STT3A: variants seen among roughly 807,000 people sequenced by gnomAD.
STT3A encodes the protein dolichyl-diphosphooligosaccharide--protein glycosyltransferase subunit STT3A.
A neutral mutation model predicts 89.2 loss-of-function variants in STT3A; 34 were observed. The observed-to-expected ratio is 0.38, with a 90% confidence interval of 0.29 to 0.51. The LOEUF (loss-of-function observed/expected upper bound fraction) is 0.51. STT3A is among the 20% of genes least tolerant of loss of function. The pLI is 0.89. For missense variants in STT3A, 555 were observed against 889.5 expected (o/e 0.62, Z 4.78); for synonymous variants, 282 against 310.3 (o/e 0.91, Z 0.96).
At chr11:125,601,116 G>A (rs567801961) in intron 3 of STT3A, among the ~76,000 whole-genome samples, 1 of 152,284 alleles carries the variant, frequency 6.6e-6, no homozygotes, top group East Asian at 1.9e-4. Flanking sequence ...TTCTATATAG[G>A]TGACATAAGA....
At chr11:125,620,688 C>G in intron 17 of STT3A, 84 bp from the exon 18 acceptor site, 1 of 1,320,022 alleles carries the variant, frequency 7.6e-7, no homozygotes, top group Non-Finnish European at 1.1e-6. Context: ...TAATCCTGCC[C>G]ACTCTGGGTG....
Position 125,608,110 on chromosome 11 carries a change from C to G in STT3A, c.782C>G (p.Pro261Arg). Reference protein sequence around the residue: ...SMQISFVGFQPVLSSEHMAAF... With the variant: ...SMQISFVGFQRVLSSEHMAAF... The stretch of plus-strand genomic sequence containing the variant: ...ACATACATATCCTTTTACCTACAGC[C>G]TGTCCTTTCATCAGAGCACATGGCA... Residue 261 changes from proline (P) to arginine (R), a missense_variant and splice_region_variant, in exon 9 of 18, where the codon CCT becomes CGT. Physicochemically the swap from Pro to Arg is moderately radical, Grantham distance 103. This residue lies in a region of STT3A where 149 missense variants were observed against 206.2 expected (regional missense o/e 0.72). Coordinates refer to ENST00000392708, the MANE Select transcript of STT3A (RefSeq NM_152713.5). The G allele has an allele frequency of 6.2e-7, 1 of 1,603,354 alleles. No homozygotes were observed. Among genetic ancestry groups the G allele is most frequent in the South Asian group, 1.1e-5 (1 of 89,392 alleles).
intron 12 of STT3A, 50 bp downstream of exon 12, chr11:125,612,797 G>A (rs1420915707): frequency 2.5e-6 from 4 of 1,574,430 alleles, no homozygotes; most frequent in Non-Finnish European, 3.5e-6. Context: ...GTGTGTGTGT[G>A]TATGTGTGTA....
chr11:125,602,460 A>C (rs1182115199), intron 4 of STT3A, 36 bp downstream of exon 4: 2 of 1,525,600 alleles, frequency 1.3e-6, no homozygotes, highest in Non-Finnish European at 1.8e-6. Flanking sequence ...TTTTAAAAAA[A>C]AAACAGAAAT....
intron 8 of STT3A, among the ~76,000 whole-genome samples, chr11:125,607,890 GTGATAA>G (rs1239921714): frequency 6.6e-6 from 1 of 152,208 alleles, no homozygotes; most frequent in East Asian, 1.9e-4. Flanking sequence ...AGCCAGAGAT[GTGATAA>G]TGATAGTGTA....
chr11:125,594,202 A>G (rs1939412471), intron 1 of STT3A, among the ~76,000 whole-genome samples: 1 of 152,352 alleles, frequency 6.6e-6, no homozygotes, highest in Middle Eastern at 3.4e-3. Flanking sequence ...TGTGTCAGTC[A>G]AAAAGAATAA....
Position 125,620,860 on chromosome 11 carries a change from G to T in STT3A, c.*50G>T. ...TTCGCACTGAGCACATCACATTTAG[G>T]ACGTTGAAGATTTTTTTTTTTTTTT... On this transcript the variant is annotated 3_prime_UTR_variant, in exon 18 of 18. Transcript: ENST00000392708. 7.0e-7 allele frequency: 1 copy of T among 1,427,012 alleles called. No homozygotes were observed. The highest frequency in any genetic ancestry group is 2.4e-5 in the East Asian group (1 of 42,286). The allele number at this position is 1,427,012 out of a possible 1,614,324, so 88.4% of individuals were successfully genotyped here.
At chr11:125,610,108 G>C (rs1939959179) in intron 10 of STT3A, among the ~76,000 whole-genome samples, 1 of 140,344 alleles carries the variant, frequency 7.1e-6, no homozygotes, top group African/African-American at 2.7e-5. Context: ...TGTTGCCTAG[G>C]CTTCAGGGCA....
intron 15 of STT3A, 150 bp from the exon 16 acceptor site, chr11:125,618,223 C>T (rs893563258): frequency 1.2e-4 from 87 of 701,792 alleles, no homozygotes; most frequent in Non-Finnish European, 1.9e-4. Flanking sequence ...ATGCTTTGCC[C>T]GTATGTTGTC....
intron 6 of STT3A, 76 bp downstream of exon 6, chr11:125,604,323 T>C: frequency 7.0e-7 from 1 of 1,435,514 alleles, no homozygotes; most frequent in Non-Finnish European, 9.7e-7. Context: ...CAGTCTATGG[T>C]TTAGCAATAA....
Position 125,614,293 on chromosome 11 carries a change from T to C in STT3A, c.1672-31T>C, listed in dbSNP as rs756213356. The C allele has an allele frequency of 6.2e-7, 1 of 1,614,036 alleles. No homozygotes were observed. On this transcript the variant is annotated intron_variant, in intron 14 of 17. Coordinates refer to ENST00000392708, the MANE Select transcript of STT3A (RefSeq NM_152713.5). This position sits in a 1 kb window ranked among gnomAD's most constrained non-coding sequence, Gnocchi z 4.9. ...GAGGGGATCATATGACTTGGGATTT[T>C]GCTCTGAGAATTGTACATTTGTTTT...
intron 17 of STT3A, among the ~76,000 whole-genome samples, chr11:125,620,405 GGA>G (rs1400448033): frequency 6.6e-6 from 1 of 152,122 alleles, no homozygotes; most frequent in East Asian, 1.9e-4. Context: ...TCACGGGTGG[GGA>G]GAGTGCAGGA....
At chr11:125,593,994 C>A (rs1939402169) in intron 1 of STT3A, among the ~76,000 whole-genome samples, 1 of 152,052 alleles carries the variant, frequency 6.6e-6, no homozygotes, top group East Asian at 1.9e-4. Context: ...TATAGGATAA[C>A]TATTATTAGG....
At chr11:125,611,545 CTT>C (rs1940015223) in intron 11 of STT3A, 26 bp downstream of exon 11, 1 of 1,598,918 alleles carries the variant, frequency 6.3e-7, no homozygotes, top group South Asian at 1.1e-5. Context: ...GTCTGGTAGA[CTT>C]TTTCACTCTA....
rs1940010048 is a variant in STT3A, at chr11:125,611,362, A to T, written c.1118-66A>T. ...GGAATCATCCAGTCATATAATGAAG[A>T]TACTTTACCTTGTAGGTTTCAACCT... On this transcript the variant is annotated intron_variant, in intron 10 of 17. Transcript: ENST00000392708. 11 of 1,235,824 alleles carry T rather than the reference A, an allele frequency of 8.9e-6. No homozygotes were observed. The South Asian group carries it at 1.2e-4, about 14-fold the overall frequency. 76.6% of individuals were successfully genotyped at this position (1,235,824 alleles called of 1,614,324 possible).
intron 1 of STT3A, chr11:125,593,519 A>C (rs1239151198): frequency 6.6e-6 from 1 of 152,190 alleles, no homozygotes; most frequent in Non-Finnish European, 1.5e-5. Context: ...AATCTCCCTT[A>C]CGGCCCTGCC....
At chr11:125,609,649 T>C (rs1476734519) in intron 10 of STT3A, 60 bp downstream of exon 10, 6 of 1,567,324 alleles carry the variant, frequency 3.8e-6, no homozygotes, top group Non-Finnish European at 5.2e-6. Flanking sequence ...TGATTCCAAA[T>C]TTGCAAGCTA....
intron 9 of STT3A, 34 bp downstream of exon 9, chr11:125,608,323 T>C (rs774245117): frequency 1.0e-5 from 15 of 1,477,756 alleles, no homozygotes; most frequent in Non-Finnish European, 1.1e-5. Flanking sequence ...TCCTTTTTTC[T>C]TTTTTTTTAA....
At position 125,618,432 on chromosome 11, in the gene STT3A, A is replaced by T; in HGVS notation, c.1834A>T (p.Ile612Phe). Reference sequence around the variant, plus strand: ...AGGGAGCACAGATACAGGCAAACATATCAAGGAGAATGACTATTATACTCC... The same window carrying T: ...AGGGAGCACAGATACAGGCAAACATTTCAAGGAGAATGACTATTATACTCC... The part of the protein sequence containing the change: ...IGGSTDTGKH[I>F]KENDYYTPTG... Residue 612 changes from isoleucine to phenylalanine, a missense_variant, in exon 16 of 18, where the codon ATC becomes TTC. This residue lies in a region of STT3A where 273 missense variants were observed against 449.8 expected (regional missense o/e 0.61). Coordinates refer to ENST00000392708, the MANE Select transcript of STT3A (RefSeq NM_152713.5). The T allele has an allele frequency of 6.2e-7, 1 of 1,613,856 alleles. No individual in the cohort carries two copies. Among genetic ancestry groups the T allele is most frequent in the Non-Finnish European group, 8.5e-7 (1 of 1,179,986 alleles).
Sources: allele counts gnomAD v4.1 joint callset (sites outside exome capture counted in the v4.1 genomes callset), GRCh38; gene constraint gnomAD v4.1.1; regional missense constraint gnomAD v4.1.1; non-coding constraint Gnocchi (gnomAD v3.1); transcripts MANE v1.5; gene names NCBI Gene and HGNC (gene_info 2026-07-23, HGNC 2026-07-21).